Variants in SGTB observed in about 807,000 individuals in gnomAD.
SGTB encodes small glutamine-rich tetratricopeptide repeat-containing protein beta.
Under a neutral mutation model 43.9 loss-of-function variants are expected in SGTB, and 19 were observed. The observed-to-expected ratio is 0.43, with a 90% CI of 0.30 to 0.63. The LOEUF is 0.63. Among genes scored for constraint, SGTB ranks in the 30% least tolerant of loss-of-function variants. The probability of loss-of-function intolerance (pLI) is 0.12; values close to 1 mark genes in which losing one functional copy is unlikely to be tolerated. For missense variants in SGTB, 304 were observed against 358.9 expected (o/e 0.85, Z 1.24); for synonymous variants, 116 against 117.3 (o/e 0.99, Z 0.07).
chr5:65,710,815 C>A (rs1758029583), intron 3 of SGTB, among the ~76,000 whole-genome samples: 2 of 152,098 alleles, frequency 1.3e-5, no homozygotes, highest in Admixed American at 1.3e-4. Flanking sequence ...GATGGGGAAA[C>A]CCCGCCTCTA....
intron 3 of SGTB, among the ~76,000 whole-genome samples, chr5:65,709,110 G>A (rs993372306): frequency 1.3e-5 from 2 of 151,778 alleles, no homozygotes; most frequent in African/African-American, 4.8e-5. Context: ...TCCCATACCT[G>A]GCAATCCTGC....
intron 2 of SGTB, among the ~76,000 whole-genome samples, chr5:65,718,778 C>T (rs987707048): frequency 3.3e-5 from 5 of 151,948 alleles, no homozygotes. Context: ...TTTCTGACTG[C>T]CATATATAAC....
Position 65,667,496 on chromosome 5 carries a change from T to A in SGTB, c.*2750A>T, listed in dbSNP as rs1429433799. ...TACTTCGTTCTGTGTAATACTGGAA[T>A]ACTAGGAGTTCATTCTAACTTAATG... On this transcript the variant is annotated 3_prime_UTR_variant, in exon 11 of 11. Coordinates refer to ENST00000381007, the MANE Select transcript of SGTB (RefSeq NM_019072.3). 6.6e-6 allele frequency: 1 copy of A among 152,234 alleles called. No individual in the cohort carries two copies. The highest frequency in any genetic ancestry group is 2.4e-5 in the African/African-American group (1 of 41,470). 9.4% of individuals were successfully genotyped at this position (152,234 alleles called of 1,614,324 possible). A position where few individuals can be genotyped will look rare whatever the true frequency, so the allele number is the denominator to read the frequency against.
In SGTB at chr5:65,721,914, T is replaced by TA. The variant is rs1258629940; in HGVS notation, c.-23+2dup. The TA allele has an allele frequency of 6.6e-6, 1 of 152,084 alleles. No individual in the cohort carries two copies. The highest frequency in any genetic ancestry group is 2.4e-5 in the African/African-American group (1 of 41,384). 9.4% of individuals were successfully genotyped at this position (152,084 alleles called of 1,614,324 possible). On this transcript the variant is annotated splice_region_variant and intron_variant, in intron 1 of 10. Coordinates refer to ENST00000381007, the MANE Select transcript of SGTB (RefSeq NM_019072.3). ...GCACCCTTGCCAGACAGAAGCCCCT[T>TA]ACCAAGCAGGAGGACGCGAGACGAC...
rs1393815900 is a variant in SGTB at position 65,722,048 on chromosome 5, G to C, written c.-154C>G. Reference sequence around the variant, plus strand: ...TGGTCGCGGCGGCGCAAACTTCCCCGGCCCCTAGGCCGTAGACCCCAGAAC... The same window carrying C: ...TGGTCGCGGCGGCGCAAACTTCCCCCGCCCCTAGGCCGTAGACCCCAGAAC... On this transcript the variant is annotated 5_prime_UTR_variant, in exon 1 of 11. Coordinates refer to ENST00000381007, the MANE Select transcript of SGTB (RefSeq NM_019072.3). The C allele has an allele frequency of 6.4e-6, 1 of 157,406 alleles. No individual in the cohort carries two copies. The highest frequency in any genetic ancestry group is 1.4e-5 in the Non-Finnish European group (1 of 71,574). 9.8% of individuals were successfully genotyped at this position (157,406 alleles called of 1,614,324 possible). A position where few individuals can be genotyped will look rare whatever the true frequency, so the allele number is the denominator to read the frequency against.
upstream of SGTB, chr5:65,722,520 G>GC: frequency 9.4e-7 from 1 of 1,069,092 alleles, no homozygotes; most frequent in Non-Finnish European, 1.4e-6. Context: ...CCTCTCCGAC[G>GC]CTCCCGGGAC....
intron 5 of SGTB, among the ~76,000 whole-genome samples, chr5:65,695,470 G>C (rs1579869976): frequency 6.6e-6 from 1 of 152,308 alleles, no homozygotes; most frequent in East Asian, 1.9e-4. Context: ...GGCTATATTT[G>C]AATCTTCTGG....
chr5:65,672,298 G>A lies in SGTB; in HGVS notation c.682-17C>T, dbSNP rs896941064. The A allele has an allele frequency of 6.2e-7, 1 of 1,613,702 alleles. No individual in the cohort carries two copies. Among genetic ancestry groups the A allele is most frequent in the African/African-American group, 1.3e-5 (1 of 74,820 alleles). ...ACTTGCCGCCTGGAATTGAAAAACA[G>A]CACCTCCCATTAAAGGCAGTTAATA... On this transcript the variant is annotated splice_polypyrimidine_tract_variant and intron_variant, in intron 8 of 10. Coordinates refer to ENST00000381007, the MANE Select transcript of SGTB (RefSeq NM_019072.3).
intron 5 of SGTB, among the ~76,000 whole-genome samples, chr5:65,693,716 T>C (rs1359062775): frequency 2.0e-5 from 3 of 152,172 alleles, no homozygotes; most frequent in Non-Finnish European, 4.4e-5. Flanking sequence ...GAAACTACTA[T>C]ACAAAGATGA....
chr5:65,680,655 C>T lies in SGTB; in HGVS notation c.618+1G>A, dbSNP rs911377263. 2 of 1,613,814 alleles carry T rather than the reference C, an allele frequency of 1.2e-6. No individual in the cohort carries two copies. The highest frequency in any genetic ancestry group is 3.3e-5 in the Admixed American group (2 of 59,982). Reference sequence around the variant, plus strand: ...TCACTCATTTGGCATTAACAACTTACAGGACTGGATACCTCTCTTAACTTC... The same window carrying T: ...TCACTCATTTGGCATTAACAACTTATAGGACTGGATACCTCTCTTAACTTC... On this transcript the variant is annotated splice_donor_variant, in intron 7 of 10. Coordinates refer to ENST00000381007, the MANE Select transcript of SGTB (RefSeq NM_019072.3). LOFTEE classifies it high-confidence loss of function.
At chr5:65,720,569 C>A in intron 2 of SGTB, 139 bp downstream of exon 2, 1 of 886,694 alleles carries the variant, frequency 1.1e-6, no homozygotes, top group Non-Finnish European at 1.6e-6. Context: ...AATACGATAA[C>A]CTTATAGTCA....
intron 2 of SGTB, among the ~76,000 whole-genome samples, chr5:65,713,809 C>T (rs1449991611): frequency 6.6e-6 from 1 of 152,102 alleles, no homozygotes; most frequent in Non-Finnish European, 1.5e-5. Context: ...GAGTGGATTG[C>T]CTGAACTCAG....
At chr5:65,680,972 T>C (rs1757385760) in intron 6 of SGTB, among the ~76,000 whole-genome samples, 178 bp from the exon 7 acceptor site, 1 of 152,166 alleles carries the variant, frequency 6.6e-6, no homozygotes. Context: ...ATTCTATATA[T>C]CTGAACTCAC....
chr5:65,710,029 C>A lies in SGTB; in HGVS notation c.205-1471G>T, dbSNP rs552354058. ...ATTCACAAGTAAAAAAAATTACTGACAAAGTATATGGGTCTTGTCCTTATT... is the reference window on the plus strand; with the variant it reads ...ATTCACAAGTAAAAAAAATTACTGAAAAAGTATATGGGTCTTGTCCTTATT... On this transcript the variant is annotated intron_variant, in intron 3 of 10. Coordinates refer to ENST00000381007, the MANE Select transcript of SGTB (RefSeq NM_019072.3). Among the ~76,000 whole-genome samples, 524 of 152,140 alleles carry A rather than the reference C, an allele frequency of 3.4e-3. 3 individuals carry two copies. Among genetic ancestry groups the A allele is most frequent in the African/African-American group, 0.012 (480 of 41,500 alleles).
intron 5 of SGTB, among the ~76,000 whole-genome samples, chr5:65,702,724 T>C (rs1757847777): frequency 6.6e-6 from 1 of 152,210 alleles, no homozygotes; most frequent in South Asian, 2.1e-4. Flanking sequence ...AGATTGGGTG[T>C]AAAATTCACA....
chr5:65,684,799 C>T (rs150776046), intron 6 of SGTB, among the ~76,000 whole-genome samples: 3,452 of 152,240 alleles, frequency 0.023, 128 homozygotes, highest in African/African-American at 0.077. Flanking sequence ...GTGATCTGCC[C>T]ACCTTGGCCT....
intron 8 of SGTB, among the ~76,000 whole-genome samples, chr5:65,677,257 C>A (rs75293359): frequency 0.035 from 5,275 of 151,364 alleles, 310 homozygotes; most frequent in African/African-American, 0.12. Flanking sequence ...TGGACACATA[C>A]ATCCTCCCAA....
chr5:65,715,542 T>C lies in SGTB; in HGVS notation c.101-2478A>G, dbSNP rs533837231. Among the ~76,000 whole-genome samples the C allele has an allele frequency of 5.3e-5, 8 of 152,354 alleles. No individual in the cohort carries two copies. In the South Asian group the frequency reaches 1.5e-3, roughly 28 times the overall value. On this transcript the variant is annotated intron_variant, in intron 2 of 10. Coordinates refer to ENST00000381007, the MANE Select transcript of SGTB (RefSeq NM_019072.3). The stretch of plus-strand genomic sequence containing the variant: ...CAACTAAGGGAAATGCCCGAGACCA[T>C]TGGATTCAATTCAACAAATATTTAT...
Position 65,670,037 on chromosome 5 carries a change from T to A in SGTB, c.*209A>T, listed in dbSNP as rs1358920194. On this transcript the variant is annotated 3_prime_UTR_variant, in exon 11 of 11. Coordinates refer to ENST00000381007, the MANE Select transcript of SGTB (RefSeq NM_019072.3). The stretch of plus-strand genomic sequence containing the variant: ...TGGCTAGTGATCATTTCAAAAGGAG[T>A]CATGTTATGTTTTGAGTTTGTTTGT... 3 of 492,978 alleles carry A rather than the reference T, an allele frequency of 6.1e-6. No individual in the cohort carries two copies. Among genetic ancestry groups the A allele is most frequent in the Admixed American group, 7.3e-5 (2 of 27,244 alleles). 30.5% of individuals were successfully genotyped at this position (492,978 alleles called of 1,614,324 possible). A position where few individuals can be genotyped will look rare whatever the true frequency, so the allele number is the denominator to read the frequency against.
Sources: gnomAD v4.1 joint callset for allele counts (sites outside exome capture counted in the v4.1 genomes callset) on GRCh38, gnomAD v4.1.1 for gene constraint, MANE v1.5 for transcripts, NCBI Gene and HGNC (gene_info 2026-07-23, HGNC 2026-07-21) for gene names.